The following PCSK5 variants were observed in gnomAD, a reference collection of about 807,000 sequenced individuals.
The protein encoded by PCSK5 is prohormone convertase 5.
A neutral mutation model predicts 233.2 loss-of-function variants in PCSK5; 129 were observed. The observed-to-expected ratio is 0.55, with a 90% CI of 0.48 to 0.64. PCSK5 has a LOEUF of 0.64. Among genes scored for constraint, PCSK5 ranks in the 30% least tolerant of loss-of-function variants. The probability of loss-of-function intolerance (pLI) is 0.00; values close to 1 mark genes in which losing one functional copy is unlikely to be tolerated. For missense variants in PCSK5, 2,076 were observed against 2,430.1 expected, an observed-to-expected ratio of 0.85 and a Z score of 3.06; for synonymous variants, 825 against 879.2, an observed-to-expected ratio of 0.94 and a Z score of 1.09.
rs773036660 is a variant in PCSK5, at chr9:76,295,396, G to A, written c.3307G>A (p.Gly1103Ser). 2.5e-5 allele frequency: 40 copies of A among 1,612,214 alleles called. No individual in the cohort carries two copies. The Admixed American group carries it at 5.5e-4, about 22-fold the overall frequency. Residue 1103 changes from glycine to serine, a missense_variant, in exon 26 of 38, where the codon GGC (glycine) becomes AGC (serine). By Grantham distance (56) the Gly-to-Ser change is moderately conservative (BLOSUM62 0). Coordinates refer to ENST00000674117, the MANE Select transcript of PCSK5 (RefSeq NM_001372043.1). ...DQNGCYWCEEGFFLLGGSCVR... is the reference protein window; with the variant it reads ...DQNGCYWCEESFFLLGGSCVR... ...GAATGGGTGTTACTGGTGTGAAGAG[G>A]GCTTCTTTCTCTTAGGTAAGTTAGA...
At chr9:75,953,631 C>T (rs1419897884) in intron 2 of PCSK5, among the ~76,000 whole-genome samples, 6 of 146,404 alleles carry the variant, frequency 4.1e-5, no homozygotes, top group African/African-American at 1.5e-4. Context: ...TATTGGCGTG[C>T]ATATGTGTGT....
intron 30 of PCSK5, among the ~76,000 whole-genome samples, chr9:76,320,969 C>A (rs963534046): frequency 9.9e-5 from 15 of 151,962 alleles, no homozygotes; most frequent in African/African-American, 3.6e-4. Context: ...CGTGCACCAC[C>A]ACACCCAGCT....
chr9:75,903,218 T>C (rs1226444187), intron 1 of PCSK5, among the ~76,000 whole-genome samples: 1 of 152,202 alleles, frequency 6.6e-6, no homozygotes, highest in Non-Finnish European at 1.5e-5. Context: ...AGATAAGTTT[T>C]AAAATGAGTC....
chr9:76,310,944 T>G, intron 30 of PCSK5, 93 bp downstream of exon 30: 2 of 862,558 alleles, frequency 2.3e-6, no homozygotes, highest in Non-Finnish European at 3.5e-6. Flanking sequence ...AAAACTCTTC[T>G]CTGCTCTACG....
At chr9:76,175,222 AAATGG>A (rs1823526270) in intron 14 of PCSK5, 93 bp downstream of exon 14, 3 of 510,752 alleles carry the variant, frequency 5.9e-6, no homozygotes, top group Non-Finnish European at 1.0e-5. Context: ...GAATGGAATG[AAATGG>A]AATGGAATGA....
At chr9:76,020,154 T>G (rs1490028151) in intron 3 of PCSK5, among the ~76,000 whole-genome samples, 1 of 152,220 alleles carries the variant, frequency 6.6e-6, no homozygotes, top group East Asian at 1.9e-4. Flanking sequence ...TGGTTGATGA[T>G]GTATGAGGGA....
intron 24 of PCSK5, among the ~76,000 whole-genome samples, chr9:76,282,081 C>G (rs541266153): frequency 7.3e-6 from 1 of 137,764 alleles, no homozygotes; most frequent in Admixed American, 7.5e-5. Flanking sequence ...TTTTTCCCCA[C>G]TCTGTTGCCC....
intron 10 of PCSK5, among the ~76,000 whole-genome samples, chr9:76,149,799 A>G (rs993983617): frequency 2.0e-5 from 3 of 152,196 alleles, no homozygotes; most frequent in Non-Finnish European, 4.4e-5. Flanking sequence ...TTCAGGAAAT[A>G]CCCATCAATT....
chr9:76,328,450 C>A (rs1829435428), intron 33 of PCSK5, among the ~76,000 whole-genome samples: 1 of 152,328 alleles, frequency 6.6e-6, no homozygotes, highest in South Asian at 2.1e-4. Context: ...AATTGCTCAT[C>A]TTCTACACCA....
At chr9:76,106,690 C>T (rs1831991985) in intron 8 of PCSK5, among the ~76,000 whole-genome samples, 1 of 152,176 alleles carries the variant, frequency 6.6e-6, no homozygotes. Context: ...TTCATCCGTG[C>T]AACATTTCTA....
intron 5 of PCSK5, among the ~76,000 whole-genome samples, chr9:76,044,120 G>C (rs1829268146): frequency 6.6e-6 from 1 of 152,022 alleles, no homozygotes; most frequent in Admixed American, 6.5e-5. Flanking sequence ...TTAAGGTTAA[G>C]CCTCTTAAAT....
chr9:75,944,200 C>T (rs1209039597), intron 2 of PCSK5, among the ~76,000 whole-genome samples: 1 of 148,090 alleles, frequency 6.8e-6, no homozygotes, highest in Non-Finnish European at 1.5e-5. Flanking sequence ...TATATATATA[C>T]ACATATACAT....
intron 24 of PCSK5, among the ~76,000 whole-genome samples, chr9:76,291,672 G>A (rs1286693557): frequency 6.6e-6 from 1 of 152,110 alleles, no homozygotes; most frequent in Non-Finnish European, 1.5e-5. Context: ...GAGCCAGCAG[G>A]GATGCATTGA....
At chr9:76,337,841 A>AT (rs1491303479) in intron 34 of PCSK5, among the ~76,000 whole-genome samples, 1 of 47,592 alleles carries the variant, frequency 2.1e-5, no homozygotes, top group Non-Finnish European at 6.1e-5. Flanking sequence ...TCTCTGTTTT[A>AT]AAAAAAAAAA....
intron 9 of PCSK5, 46 bp downstream of exon 9, chr9:76,107,397 C>A: frequency 3.8e-6 from 5 of 1,299,884 alleles, no homozygotes; most frequent in Non-Finnish European, 4.4e-6. Context: ...AACCCCTGAT[C>A]TCAGGGAAAA....
intron 28 of PCSK5, among the ~76,000 whole-genome samples, chr9:76,303,728 C>T (rs971376087): frequency 6.6e-6 from 1 of 152,148 alleles, no homozygotes; most frequent in African/African-American, 2.4e-5. Flanking sequence ...AAAAAGCCCT[C>T]GGGGACAGAA....
At chr9:75,944,209 A>G (rs1488172643) in intron 2 of PCSK5, among the ~76,000 whole-genome samples, 2 of 150,312 alleles carry the variant, frequency 1.3e-5, no homozygotes, top group South Asian at 2.1e-4. Flanking sequence ...ACACATATAC[A>G]TATATATATA....
intron 35 of PCSK5, among the ~76,000 whole-genome samples, chr9:76,344,448 T>G (rs1279447440): frequency 6.6e-6 from 1 of 152,194 alleles, no homozygotes; most frequent in South Asian, 2.1e-4. Context: ...ATGAAAGAAT[T>G]AGCCTTCCAA....
chr9:76,062,663 T>A (rs1045686888), intron 5 of PCSK5, among the ~76,000 whole-genome samples: 22 of 152,210 alleles, frequency 1.4e-4, no homozygotes, highest in Non-Finnish European at 2.9e-5. Context: ...TTGTTAAAAA[T>A]TTTTTATTGA....
Sources: gnomAD v4.1 joint callset for allele counts (sites outside exome capture counted in the v4.1 genomes callset) on GRCh38, gnomAD v4.1.1 for gene constraint, MANE v1.5 for transcripts, NCBI Gene and HGNC (gene_info 2026-07-23, HGNC 2026-07-21) for gene names.